The following SCNN1B variants were observed in gnomAD, a reference collection of about 807,000 sequenced individuals.
The protein encoded by SCNN1B is epithelial sodium channel subunit beta.
SCNN1B carries 46 observed loss-of-function variants against 65.3 expected under a neutral mutation model. The observed-to-expected ratio is 0.70, with a 90% CI of 0.56 to 0.90. SCNN1B has a LOEUF of 0.90. SCNN1B is among the 40% of genes least tolerant of loss of function. The probability of loss-of-function intolerance (pLI) is 0.00; values close to 1 mark genes in which losing one functional copy is unlikely to be tolerated. For missense variants in SCNN1B, 751 were observed against 830.5 expected (o/e 0.90, Z 1.18); for synonymous variants, 349 against 330.6 (o/e 1.06, Z -0.60).
chr16:23,309,340 G>A (rs1961289135), intron 1 of SCNN1B, among the ~76,000 whole-genome samples: 1 of 152,016 alleles, frequency 6.6e-6, no homozygotes, highest in South Asian at 2.1e-4. Flanking sequence ...CACTATAACT[G>A]TATTAGTTAG....
At chr16:23,377,583 C>A (rs528436172) in intron 10 of SCNN1B, among the ~76,000 whole-genome samples, 197 bp downstream of exon 10, 3 of 135,566 alleles carry the variant, frequency 2.2e-5, no homozygotes, top group African/African-American at 1.0e-4. Flanking sequence ...TCCCTTCCTC[C>A]CTCCCTTCTC....
At chr16:23,287,044 A>T (rs1187070046) in intron 2 of SCNN1B, among the ~76,000 whole-genome samples, 2 of 147,876 alleles carry the variant, frequency 1.4e-5, no homozygotes, top group Non-Finnish European at 1.5e-5. Flanking sequence ...TGCTCTTGTC[A>T]CCCAGGCTGG....
At chr16:23,374,206 C>T (rs1962841090) in intron 7 of SCNN1B, among the ~76,000 whole-genome samples, 1 of 135,804 alleles carries the variant, frequency 7.4e-6, no homozygotes, top group South Asian at 2.4e-4. Flanking sequence ...TTTGAGGATG[C>T]AGAGAGTTAT....
chr16:23,342,238 A>G (rs941390669), intron 1 of SCNN1B, among the ~76,000 whole-genome samples: 1 of 152,182 alleles, frequency 6.6e-6, no homozygotes, highest in African/African-American at 2.4e-5. Flanking sequence ...AAGACCACAC[A>G]TTGTGCAATT....
intron 2 of SCNN1B, among the ~76,000 whole-genome samples, chr16:23,288,379 G>A (rs564888338): frequency 1.7e-3 from 259 of 152,138 alleles, no homozygotes; most frequent in Non-Finnish European, 2.9e-3. Flanking sequence ...CTATTGCCAC[G>A]TAGCAAATTA....
intron 2 of SCNN1B, among the ~76,000 whole-genome samples, chr16:23,351,411 C>T (rs1296738680): frequency 2.6e-5 from 4 of 152,172 alleles, no homozygotes; most frequent in Non-Finnish European, 5.9e-5. Context: ...CATACAGTGA[C>T]CCATCAAGCT....
chr16:23,369,414 C>G (rs1962737742), intron 5 of SCNN1B, among the ~76,000 whole-genome samples: 1 of 152,162 alleles, frequency 6.6e-6, no homozygotes, highest in Non-Finnish European at 1.5e-5. Context: ...CAGAGACACA[C>G]AGAGAGAAGC....
rs1962790217 is a variant in SCNN1B, at chr16:23,371,775, G to A, written c.1045-1G>A. 6.2e-7 allele frequency: 1 copy of A among 1,613,618 alleles called. No homozygotes were observed. The highest frequency in any genetic ancestry group is 8.5e-7 in the Non-Finnish European group (1 of 1,179,476). On this transcript the variant is annotated splice_acceptor_variant, in intron 6 of 12. Transcript: ENST00000343070. LOFTEE classifies it high-confidence loss of function. The stretch of plus-strand genomic sequence containing the variant: ...CCCTCAAGCAACCCCTCTAAACACA[G>A]GACAAGCTTCAGCGCATGGGGGAGC...
At chr16:23,293,455 C>G (rs1488126116) in intron 2 of SCNN1B, among the ~76,000 whole-genome samples, 7 of 152,152 alleles carry the variant, frequency 4.6e-5, no homozygotes, top group African/African-American at 1.7e-4. Context: ...ATACGAGGTC[C>G]CTAAGGTAGT....
chr16:23,352,905 A>T lies in SCNN1B; in HGVS notation c.416A>T (p.Asn139Ile). Residue 139 changes from asparagine (N) to isoleucine (I), a missense_variant, in exon 3 of 13, where the codon AAC becomes ATC. Asn to Ile is a moderately radical substitution (Grantham distance 149). Coordinates refer to ENST00000343070, the MANE Select transcript of SCNN1B (RefSeq NM_000336.3). Reference protein sequence around the residue: ...PELSHANATRNLNFSIWNHTP... With the variant: ...PELSHANATRILNFSIWNHTP... ...CTAAGCCATGCCAATGCCACCAGGA[A>T]CCTGAACTTCTCCATCTGGAACCAC... 2 of 1,614,198 alleles carry T rather than the reference A, an allele frequency of 1.2e-6. No homozygotes were observed. The highest frequency in any genetic ancestry group is 1.7e-6 in the Non-Finnish European group (2 of 1,180,036).
chr16:23,368,728 T>C (rs1962723236), intron 5 of SCNN1B, among the ~76,000 whole-genome samples: 1 of 152,238 alleles, frequency 6.6e-6, no homozygotes, highest in South Asian at 2.1e-4. Flanking sequence ...AAGTAGGGAA[T>C]GCTCCATATA....
At chr16:23,325,566 C>T (rs1002220372) in intron 1 of SCNN1B, among the ~76,000 whole-genome samples, 3 of 141,972 alleles carry the variant, frequency 2.1e-5, no homozygotes, top group Non-Finnish European at 4.4e-5. Context: ...CGTGCCCAGC[C>T]TCTTTTTTGA....
At chr16:23,329,853 T>G (rs1284463426) in intron 1 of SCNN1B, among the ~76,000 whole-genome samples, 1 of 152,110 alleles carries the variant, frequency 6.6e-6, no homozygotes, top group Non-Finnish European at 1.5e-5. Flanking sequence ...GGTGAGACTC[T>G]GTCTCTACAA....
At chr16:23,279,733 C>T (rs1429751656) in intron 1 of SCNN1B, among the ~76,000 whole-genome samples, 3 of 152,108 alleles carry the variant, frequency 2.0e-5, no homozygotes, top group African/African-American at 2.4e-5. Context: ...GAGTGAAATT[C>T]GTACCTTCTA....
chr16:23,325,274 T>C (rs1349011658), intron 1 of SCNN1B, among the ~76,000 whole-genome samples: 14 of 152,204 alleles, frequency 9.2e-5, no homozygotes, highest in Non-Finnish European at 1.9e-4. Flanking sequence ...TTTTTCTTTT[T>C]CTTTTTTTTG....
upstream of SCNN1B, among the ~76,000 whole-genome samples, chr16:23,297,440 G>T (rs1459794623): frequency 6.6e-6 from 1 of 152,212 alleles, no homozygotes; most frequent in Non-Finnish European, 1.5e-5. Flanking sequence ...TTAGCAAAAA[G>T]GAAATTTATA....
intron 7 of SCNN1B, 109 bp downstream of exon 7, chr16:23,371,992 CCTTTGTAGG>C: frequency 1.2e-6 from 1 of 862,240 alleles, no homozygotes; most frequent in Non-Finnish European, 2.0e-6. Context: ...CTCTGCTGGG[CCTTTGTAGG>C]TTGCCACGGG....
Position 23,324,639 on chromosome 16 carries a change from G to A in SCNN1B, c.-9+22202G>A, listed in dbSNP as rs563493651. Among the ~76,000 whole-genome samples the A allele has an allele frequency of 8.2e-4, 125 of 152,126 alleles. 2 individuals are homozygous for A. The highest frequency in any genetic ancestry group is 6.8e-3 in the Middle Eastern group (2 of 294). On this transcript the variant is annotated intron_variant, in intron 1 of 12. Coordinates refer to ENST00000343070, the MANE Select transcript of SCNN1B (RefSeq NM_000336.3). ...TTTTCTGACTCTATTCTGGAATACC[G>A]CATTTTATTCCCAATGGAACAACCA... is the stretch of plus-strand genomic sequence containing the variant.
chr16:23,353,334 G>A (rs1261424251), intron 3 of SCNN1B: 4 of 538,420 alleles, frequency 7.4e-6, no homozygotes, highest in African/African-American at 5.7e-5. Flanking sequence ...GAAATCCAGA[G>A]GTATACTGCA....
Sources: allele counts gnomAD v4.1 joint callset (sites outside exome capture counted in the v4.1 genomes callset), GRCh38; gene constraint gnomAD v4.1.1; transcripts MANE v1.5; gene names NCBI Gene and HGNC (gene_info 2026-07-23, HGNC 2026-07-21).